The following APC variants were observed in gnomAD, a reference collection of about 807,000 sequenced individuals.
APC encodes the protein adenomatous polyposis coli protein.
A neutral mutation model predicts 247.0 loss-of-function variants in APC; 72 were observed. The observed-to-expected ratio is 0.29, with a 90% CI of 0.24 to 0.35. The LOEUF is 0.35. Ranked by LOEUF, APC falls within the 10% of genes least tolerant of loss-of-function variation. The pLI is 1.00. For synonymous variants in APC, 1,254 were observed against 1,162.5 expected (o/e 1.08, Z -1.60); for missense variants, 3,400 against 3,360.7 (o/e 1.01, Z -0.29).
intron 2 of APC, among the ~76,000 whole-genome samples, chr5:112,755,399 C>G (rs1754860871): frequency 1.3e-5 from 2 of 152,186 alleles, no homozygotes; most frequent in Admixed American, 1.3e-4. Flanking sequence ...CCAACTCCCT[C>G]AGATCTTGCC....
intron 1 of APC, among the ~76,000 whole-genome samples, chr5:112,724,227 C>A (rs2149661642): frequency 6.6e-6 from 1 of 151,972 alleles, no homozygotes; most frequent in Admixed American, 6.6e-5. Flanking sequence ...CTACTAGATA[C>A]CTGGGACAGT....
At position 112,815,530 on chromosome 5, in the gene APC, T is replaced by C. The variant is rs863224289; in HGVS notation, c.870T>C (p.Ser290=). Residue 290 remains serine (S), a synonymous_variant, in exon 9 of 16, where the codon AGT becomes AGC. Transcript: ENST00000257430. ...STTRMDHETA[S]VLSSSSTHSA... is the part of the protein sequence containing the mutation. ...CACGAATGGACCATGAAACAGCCAG[T>C]GTTTTGAGTTCTAGTAGCACACACT... 1.9e-6 allele frequency: 3 copies of C among 1,612,462 alleles called. No homozygotes were observed. The highest frequency in any genetic ancestry group is 2.5e-6 in the Non-Finnish European group (3 of 1,178,910).
At chr5:112,817,519 A>G (rs980227689) in intron 9 of APC, among the ~76,000 whole-genome samples, 9 of 152,186 alleles carry the variant, frequency 5.9e-5, no homozygotes, top group Admixed American at 5.2e-4. Flanking sequence ...GAGAAAACTG[A>G]AGCAAAAAAA....
rs2149984801 is a variant in APC at position 112,842,930 on chromosome 5, G to A, written c.7336G>A (p.Glu2446Lys). ...AGTACGCCAGTCAACTTTCATCAAAGAAGCTCCAAGCCCAACCTTAAGAAG... is the reference window on the plus strand; with the variant it reads ...AGTACGCCAGTCAACTTTCATCAAAAAAGCTCCAAGCCCAACCTTAAGAAG... ...VLVRQSTFIK[E>K]APSPTLRRKL... Residue 2446 changes from glutamate to lysine, a missense_variant, in exon 16 of 16, where the codon GAA becomes AAA. Coordinates refer to ENST00000257430, the MANE Select transcript of APC (RefSeq NM_000038.6). The A allele has an allele frequency of 6.2e-7, 1 of 1,614,052 alleles. No individual in the cohort carries two copies. The highest frequency in any genetic ancestry group is 8.5e-7 in the Non-Finnish European group (1 of 1,179,928).
chr5:112,712,835 T>G (rs1750935826), intron 1 of APC, among the ~76,000 whole-genome samples: 2 of 152,232 alleles, frequency 1.3e-5, no homozygotes. Flanking sequence ...TCTTGTTTAG[T>G]TAGGCCCCCA....
intron 6 of APC, among the ~76,000 whole-genome samples, chr5:112,787,378 G>C (rs1334774737): frequency 6.6e-6 from 1 of 152,192 alleles, no homozygotes; most frequent in Non-Finnish European, 1.5e-5. Flanking sequence ...TTGAATGAGT[G>C]TTTGCCAAAT....
chr5:112,831,311 G>C (rs893630186), intron 14 of APC, among the ~76,000 whole-genome samples: 2 of 152,122 alleles, frequency 1.3e-5, no homozygotes, highest in African/African-American at 4.8e-5. Flanking sequence ...GTTTCACCAT[G>C]TTGGCCAGGA....
intron 8 of APC, among the ~76,000 whole-genome samples, chr5:112,810,703 G>A (rs1402436810): frequency 1.3e-5 from 2 of 152,186 alleles, no homozygotes; most frequent in Non-Finnish European, 2.9e-5. Flanking sequence ...GCAGGGCAAA[G>A]CTGTTAAAAG....
At chr5:112,815,787 T>A (rs896439737) in intron 9 of APC, among the ~76,000 whole-genome samples, 194 bp downstream of exon 9, 7 of 152,024 alleles carry the variant, frequency 4.6e-5, no homozygotes, top group African/African-American at 1.7e-4. Context: ...AATACAAAAA[T>A]TTAGCCAGTG....
intron 6 of APC, among the ~76,000 whole-genome samples, chr5:112,788,416 C>T (rs1171022008): frequency 1.3e-5 from 2 of 152,058 alleles, no homozygotes; most frequent in African/African-American, 4.8e-5. Flanking sequence ...TGGAACCAGA[C>T]CTTCTATATT....
chr5:112,790,048 C>T (rs1247974339), intron 6 of APC, among the ~76,000 whole-genome samples: 4 of 151,754 alleles, frequency 2.6e-5, no homozygotes, highest in South Asian at 2.1e-4. Context: ...TTTGTAGAGA[C>T]GGGGTTTCAC....
At chr5:112,792,791 TA>T (rs1759776425) in intron 7 of APC, among the ~76,000 whole-genome samples, 2 of 151,956 alleles carry the variant, frequency 1.3e-5, no homozygotes, top group Non-Finnish European at 2.9e-5. Context: ...ATCAAATAGT[TA>T]ACTTAATTTG....
intron 4 of APC, 90 bp from the exon 5 acceptor site, chr5:112,775,539 G>A (rs960060650): frequency 1.7e-5 from 13 of 753,534 alleles, no homozygotes; most frequent in African/African-American, 1.4e-4. Flanking sequence ...AGGTAGAGAA[G>A]TTTGCAATAA....
intron 1 of APC, among the ~76,000 whole-genome samples, chr5:112,753,995 A>T (rs569738399): frequency 2.0e-4 from 30 of 152,194 alleles, no homozygotes; most frequent in African/African-American, 7.2e-4. Context: ...CTAGCATTCT[A>T]TAATTCTTCC....
At chr5:112,712,406 C>T (rs768952188) in intron 1 of APC, among the ~76,000 whole-genome samples, 3 of 151,962 alleles carry the variant, frequency 2.0e-5, no homozygotes, top group Admixed American at 1.3e-4. Flanking sequence ...TTTGTGAGAC[C>T]GACGGGGTTT....
Position 112,787,397 on chromosome 5 carries a change from A to C in APC, c.646-5049A>C, listed in dbSNP as rs576169838. Among the ~76,000 whole-genome samples the C allele has an allele frequency of 2.5e-4, 38 of 152,310 alleles. No individual in the cohort carries two copies. In the South Asian group the frequency reaches 7.9e-3, roughly 32 times the overall value. On this transcript the variant is annotated intron_variant, in intron 6 of 15. Coordinates refer to ENST00000257430, the MANE Select transcript of APC (RefSeq NM_000038.6). Reference sequence around the variant, plus strand: ...ATGAGTGTTTGCCAAATTGCTCTTAAAGTAATCTTTTTAGTTTACATTCCT... The same window carrying C: ...ATGAGTGTTTGCCAAATTGCTCTTACAGTAATCTTTTTAGTTTACATTCCT...
chr5:112,822,254 T>C (rs987586346), intron 11 of APC, among the ~76,000 whole-genome samples: 1 of 152,046 alleles, frequency 6.6e-6, no homozygotes, highest in South Asian at 2.1e-4. Context: ...TGAAAAAAAA[T>C]GACAAAATGG....
rs2149891256 is a variant in APC, at chr5:112,839,000, G to A, written c.3406G>A (p.Glu1136Lys). 1 of 1,614,050 alleles carries A rather than the reference G, an allele frequency of 6.2e-7. No individual in the cohort carries two copies. The highest frequency in any genetic ancestry group is 1.1e-5 in the South Asian group (1 of 91,074). ...GTCTTTGTGTCAAGAAGATGACTAT[G>A]AAGATGATAAGCCTACCAATTATAG... ...SQSLCQEDDYEDDKPTNYSER... is the reference protein window; with the variant it reads ...SQSLCQEDDYKDDKPTNYSER... The change falls in exon 16 of 16, where the codon GAA (glutamate) becomes AAA (lysine). Residue 1136 changes from glutamate (E) to lysine (K), a missense_variant. Glu to Lys is a moderately conservative substitution (Grantham distance 56, BLOSUM62 1). Coordinates refer to ENST00000257430, the MANE Select transcript of APC (RefSeq NM_000038.6).
intron 6 of APC, among the ~76,000 whole-genome samples, chr5:112,786,886 C>CTTTTTTTTTTT (rs1171592849): frequency 2.5e-5 from 3 of 118,130 alleles, no homozygotes; most frequent in South Asian, 2.9e-4. Context: ...TTTTCTTTTT[C>CTTTTTTTTTTT]TTTTTTTTTT....
Sources: gnomAD v4.1 joint callset for allele counts (sites outside exome capture counted in the v4.1 genomes callset) on GRCh38, gnomAD v4.1.1 for gene constraint, MANE v1.5 for transcripts, NCBI Gene and HGNC (gene_info 2026-07-23, HGNC 2026-07-21) for gene names.